CFAP299: variants seen among roughly 807,000 people sequenced by gnomAD.
The protein encoded by CFAP299 is cilia- and flagella-associated protein 299.
CFAP299 carries 21 observed loss-of-function variants against 27.0 expected under a neutral mutation model. The observed-to-expected ratio is 0.78, with a 90% CI of 0.55 to 1.12. The LOEUF (loss-of-function observed/expected upper bound fraction) is 1.12, where lower values mean the gene tolerates loss of function less well. Among genes scored for constraint, CFAP299 ranks in the 50% most tolerant of loss-of-function variants. The pLI is 0.00. For missense variants in CFAP299, 310 were observed against 276.6 expected (o/e 1.12, Z -0.86); for synonymous variants, 104 against 98.1 (o/e 1.06, Z -0.36).
chr4:80,708,644 C>T (rs329401), intron 3 of CFAP299, among the ~76,000 whole-genome samples: 103,219 of 151,946 alleles, frequency 0.68, 36,912 homozygotes, highest in Non-Finnish European at 0.79. Flanking sequence ...AGTACATATG[C>T]ATCTCTTCAA....
chr4:80,387,298 G>T (rs1399548790), intron 2 of CFAP299: 9 of 1,611,096 alleles, frequency 5.6e-6, no homozygotes, highest in Admixed American at 1.7e-5. Context: ...CCAGAAATGT[G>T]TCGAGCTTTG....
chr4:80,757,409 A>T (rs548925648), intron 3 of CFAP299, among the ~76,000 whole-genome samples: 45 of 152,302 alleles, frequency 3.0e-4, no homozygotes, highest in South Asian at 2.7e-3. Context: ...AAGAAATTAG[A>T]GGACAAATGT....
intron 3 of CFAP299, among the ~76,000 whole-genome samples, chr4:80,803,333 A>C (rs1479733708): frequency 6.6e-6 from 1 of 152,130 alleles, no homozygotes; most frequent in African/African-American, 2.4e-5. Flanking sequence ...AAGATCTCAC[A>C]AAGAAACTAT....
chr4:80,859,697 C>G (rs11941452), intron 3 of CFAP299, among the ~76,000 whole-genome samples: 2,864 of 152,028 alleles, frequency 0.019, 29 homozygotes, highest in African/African-American at 0.027. Flanking sequence ...ATGAAATTCT[C>G]GGTTGAAAAT....
intron 3 of CFAP299, among the ~76,000 whole-genome samples, chr4:80,681,133 T>A (rs1234971109): frequency 6.6e-6 from 1 of 152,174 alleles, no homozygotes; most frequent in Non-Finnish European, 1.5e-5. Context: ...AGTGTAATAT[T>A]TGTCAACTCA....
At chr4:80,481,272 A>T (rs557367564) in intron 2 of CFAP299, among the ~76,000 whole-genome samples, 86 of 152,194 alleles carry the variant, frequency 5.7e-4, no homozygotes, top group African/African-American at 1.9e-3. Context: ...AATTTTTCAT[A>T]TGCCACAAAA....
chr4:80,545,889 T>C (rs1020759468), intron 2 of CFAP299, among the ~76,000 whole-genome samples: 1 of 152,140 alleles, frequency 6.6e-6, no homozygotes. Context: ...CAGCACATCA[T>C]AAAGCTAATC....
chr4:80,681,395 C>A (rs1229012686), intron 3 of CFAP299, among the ~76,000 whole-genome samples: 1 of 150,466 alleles, frequency 6.6e-6, no homozygotes, highest in South Asian at 2.1e-4. Context: ...GTCAGGTACA[C>A]AAGAGAAATC....
chr4:80,446,430 T>A (rs1728618916), intron 2 of CFAP299, among the ~76,000 whole-genome samples: 1 of 152,216 alleles, frequency 6.6e-6, no homozygotes, highest in African/African-American at 2.4e-5. Flanking sequence ...AATGTTGAAA[T>A]AAGTCTTCCA....
At chr4:80,674,956 A>G (rs1345412129) in intron 3 of CFAP299, among the ~76,000 whole-genome samples, 1 of 152,036 alleles carries the variant, frequency 6.6e-6, no homozygotes, top group Non-Finnish European at 1.5e-5. Flanking sequence ...CTTCCTTGCA[A>G]TGTGTTTGAA....
intron 2 of CFAP299, among the ~76,000 whole-genome samples, chr4:80,398,024 G>T (rs903025588): frequency 6.6e-6 from 1 of 152,126 alleles, no homozygotes; most frequent in Non-Finnish European, 1.5e-5. Flanking sequence ...AAAATCACAA[G>T]CATTCTTATA....
intron 3 of CFAP299, among the ~76,000 whole-genome samples, chr4:80,832,130 G>A (rs975969374): frequency 6.6e-6 from 1 of 152,206 alleles, no homozygotes; most frequent in African/African-American, 2.4e-5. Context: ...CTTGTGTAAT[G>A]CCCAGGAACT....
At chr4:80,432,025 AAC>A (rs1727840550) in intron 2 of CFAP299, among the ~76,000 whole-genome samples, 1 of 152,250 alleles carries the variant, frequency 6.6e-6, no homozygotes, top group Admixed American at 6.5e-5. Flanking sequence ...TCACAAAAAT[AAC>A]ACAGTAAGTA....
chr4:80,568,080 A>T (rs1003771528), intron 2 of CFAP299, among the ~76,000 whole-genome samples: 1 of 151,878 alleles, frequency 6.6e-6, no homozygotes, highest in African/African-American at 2.4e-5. Context: ...TTTTTAAAAA[A>T]CAATAATAAA....
intron 3 of CFAP299, among the ~76,000 whole-genome samples, chr4:80,781,994 A>G (rs1726906600): frequency 6.6e-6 from 1 of 152,080 alleles, no homozygotes; most frequent in South Asian, 2.1e-4. Flanking sequence ...TAATATGTCT[A>G]CTTCATATAA....
At chr4:80,563,126 T>C (rs1212018446) in intron 2 of CFAP299, among the ~76,000 whole-genome samples, 1 of 152,076 alleles carries the variant, frequency 6.6e-6, no homozygotes, top group Non-Finnish European at 1.5e-5. Context: ...ACTTTCAGCA[T>C]TGGATAGATC....
chr4:80,889,057 C>CCTAACAATG (rs1441658375), intron 4 of CFAP299, among the ~76,000 whole-genome samples: 1 of 136,256 alleles, frequency 7.3e-6, no homozygotes, highest in Non-Finnish European at 1.6e-5. Flanking sequence ...AAATAAACTA[C>CCTAACAATG]CTAACAATGC....
intron 3 of CFAP299, among the ~76,000 whole-genome samples, chr4:80,806,752 C>G (rs200921267): frequency 1.3e-5 from 2 of 152,134 alleles, no homozygotes; most frequent in East Asian, 3.9e-4. Flanking sequence ...AAAGTGGCAG[C>G]CTTCTTAAAG....
chr4:80,644,438 T>C (rs1011116882), intron 3 of CFAP299, among the ~76,000 whole-genome samples: 1 of 152,160 alleles, frequency 6.6e-6, no homozygotes, highest in African/African-American at 2.4e-5. Flanking sequence ...AAACACTCAA[T>C]ATGTATTTGG....
Sources: gnomAD v4.1 joint callset for allele counts (sites outside exome capture counted in the v4.1 genomes callset) on GRCh38, gnomAD v4.1.1 for gene constraint, MANE v1.5 for transcripts, NCBI Gene and HGNC (gene_info 2026-07-23, HGNC 2026-07-21) for gene names.